MYO16: variants seen among roughly 807,000 people sequenced by gnomAD.
MYO16 encodes the protein myosin XVI.
Under a neutral mutation model 205.3 loss-of-function variants are expected in MYO16, and 94 were observed. The ratio of observed to expected loss-of-function variants is 0.46; its 90% CI spans 0.39 to 0.54. The LOEUF is 0.54. Ranked by LOEUF, MYO16 falls within the 20% of genes least tolerant of loss-of-function variation. The pLI is 0.00. For synonymous variants in MYO16, 988 were observed against 954.0 expected (o/e 1.04, Z -0.66); for missense variants, 2,315 against 2,387.5 (o/e 0.97, Z 0.63).
chr13:108,989,908 A>G (rs1017846343), intron 20 of MYO16, among the ~76,000 whole-genome samples: 1 of 152,110 alleles, frequency 6.6e-6, no homozygotes, highest in Non-Finnish European at 1.5e-5. Flanking sequence ...TATAACAGCT[A>G]TTTGTTTTAG....
At chr13:109,063,655 A>C (rs971410717) in intron 27 of MYO16, among the ~76,000 whole-genome samples, 19 of 152,312 alleles carry the variant, frequency 1.2e-4, no homozygotes, top group Admixed American at 3.9e-4. Flanking sequence ...CTCAATCTAC[A>C]GTATGTTGTT....
At chr13:109,116,055 A>G (rs1875663467) in intron 28 of MYO16, among the ~76,000 whole-genome samples, 1 of 152,248 alleles carries the variant, frequency 6.6e-6, no homozygotes, top group African/African-American at 2.4e-5. Flanking sequence ...CAACCCACAA[A>G]TAAATTATAT....
the MYO16 span, among the ~76,000 whole-genome samples, chr13:108,526,380 A>C: frequency 0.33 from 49,751 of 152,052 alleles, 9,927 homozygotes; most frequent in African/African-American, 0.56. Context: ...CAGAGAGGTA[A>C]AAAATGATTT....
chr13:108,888,272 T>A, intron 13 of MYO16, 100 bp from the exon 14 acceptor site: 1 of 757,172 alleles, frequency 1.3e-6, no homozygotes, highest in Non-Finnish European at 2.1e-6. Context: ...TCCAGTTAAT[T>A]TTTTTACTTG....
At chr13:109,148,101 GT>G (rs911745649) in intron 32 of MYO16, among the ~76,000 whole-genome samples, 1 of 152,094 alleles carries the variant, frequency 6.6e-6, no homozygotes, top group Non-Finnish European at 1.5e-5. Flanking sequence ...ATATTTCATT[GT>G]TTTTAATCCC....
chr13:108,714,602 G>GTC lies in MYO16; in HGVS notation c.363+1872_363+1873insCT, dbSNP rs1566566707. On this transcript the variant is annotated intron_variant, in intron 3 of 34. Coordinates refer to ENST00000457511, the MANE Select transcript of MYO16 (RefSeq NM_001198950.3). ...TTCACGTGTGTGTGTCTGTGTGTGT[G>GTC]TGTGTGTGTGTATATATATAGAGAG... 1.0e-4 allele frequency among the ~76,000 whole-genome samples: 10 copies of GTC among 98,974 alleles called. No individual in the cohort carries two copies. The East Asian group carries it at 1.2e-3, about 11-fold the overall frequency. 64.9% of individuals were successfully genotyped at this position (98,974 alleles called of 152,430 possible).
chr13:108,785,792 G>C, intron 5 of MYO16, 49 bp downstream of exon 5: 1 of 1,188,112 alleles, frequency 8.4e-7, no homozygotes. Context: ...TGGGAGAATT[G>C]TAAGTGTGTA....
chr13:108,939,653 ACTTTT>A lies in MYO16; in HGVS notation c.1926-18031_1926-18027del, dbSNP rs373843672. Among the ~76,000 whole-genome samples the A allele has an allele frequency of 1.6e-4, 25 of 152,350 alleles. No individual in the cohort carries two copies. In the East Asian group the frequency reaches 4.4e-3, roughly 27 times the overall value. ...CTAAATATTCTGATAGATTCTAACC[ACTTTT>A]CTTCTTATTTGAGAATATTATTGGA... On this transcript the variant is annotated intron_variant, in intron 16 of 34. Coordinates refer to ENST00000457511, the MANE Select transcript of MYO16 (RefSeq NM_001198950.3).
intron 22 of MYO16, among the ~76,000 whole-genome samples, chr13:109,013,108 T>TCCCCCCCCCC (rs1177754621): frequency 1.4e-3 from 47 of 32,626 alleles, no homozygotes; most frequent in African/African-American, 2.7e-3. Context: ...ATGCTACCCC[T>TCCCCCCCCCC]CCCCCACCCC....
chr13:108,769,141 A>T (rs545640956), intron 4 of MYO16, among the ~76,000 whole-genome samples: 8 of 152,320 alleles, frequency 5.3e-5, no homozygotes, highest in Non-Finnish European at 1.0e-4. Context: ...AAAACATTGA[A>T]TAGTAACCAT....
At chr13:108,509,874 TC>T in the MYO16 span, among the ~76,000 whole-genome samples, 1 of 152,038 alleles carries the variant, frequency 6.6e-6, no homozygotes, top group Non-Finnish European at 1.5e-5. Context: ...CTCTTTTTCT[TC>T]CCCCGCCCAA....
At chr13:109,004,884 C>T (rs754813951) in intron 21 of MYO16, among the ~76,000 whole-genome samples, 8 of 152,154 alleles carry the variant, frequency 5.3e-5, no homozygotes, top group South Asian at 2.1e-4. Flanking sequence ...TTAACAACAA[C>T]GCCTTTAAAA....
At chr13:108,912,361 CAAAG>C (rs1881306027) in intron 16 of MYO16, among the ~76,000 whole-genome samples, 1 of 152,030 alleles carries the variant, frequency 6.6e-6, no homozygotes. Context: ...GTTTTATTTA[CAAAG>C]AAAGACTGTT....
chr13:108,510,461 G>GTTTT, the MYO16 span, among the ~76,000 whole-genome samples: 830 of 45,670 alleles, frequency 0.018, 32 homozygotes, highest in East Asian at 0.036. Flanking sequence ...ATTGATAGCT[G>GTTTT]TTTTTTTTTT....
At chr13:108,648,106 T>A (rs1019755802) in intron 1 of MYO16, among the ~76,000 whole-genome samples, 1 of 152,206 alleles carries the variant, frequency 6.6e-6, no homozygotes, top group East Asian at 1.9e-4. Context: ...GTGAGCCAAC[T>A]GCTTTACATC....
At chr13:109,006,686 A>G (rs1885397890) in intron 21 of MYO16, among the ~76,000 whole-genome samples, 1 of 152,206 alleles carries the variant, frequency 6.6e-6, no homozygotes, top group African/African-American at 2.4e-5. Flanking sequence ...TTCCAGCTAT[A>G]TAAATATTGA....
intron 9 of MYO16, among the ~76,000 whole-genome samples, 164 bp from the exon 10 acceptor site, chr13:108,844,179 T>C (rs1172457744): frequency 6.6e-6 from 1 of 152,222 alleles, no homozygotes; most frequent in Non-Finnish European, 1.5e-5. Flanking sequence ...ATTAATTTTT[T>C]AAAAGTTTAC....
chr13:109,015,477 C>G (rs1885774980), intron 22 of MYO16, among the ~76,000 whole-genome samples: 1 of 152,102 alleles, frequency 6.6e-6, no homozygotes, highest in Non-Finnish European at 1.5e-5. Context: ...CTGGCCTCAT[C>G]AAATGAGTTA....
the MYO16 span, among the ~76,000 whole-genome samples, chr13:108,517,502 A>C: frequency 6.6e-6 from 1 of 152,234 alleles, no homozygotes; most frequent in African/African-American, 2.4e-5. Context: ...CTGTCTTTAC[A>C]ACAGACACTT....
Sources: gnomAD v4.1 joint callset for allele counts (sites outside exome capture counted in the v4.1 genomes callset) on GRCh38, gnomAD v4.1.1 for gene constraint, MANE v1.5 for transcripts, NCBI Gene and HGNC (gene_info 2026-07-23, HGNC 2026-07-21) for gene names.